The following NRG3 variants were observed in gnomAD, a reference collection of about 807,000 sequenced individuals.
NRG3 encodes pro-neuregulin-3, membrane-bound isoform.
NRG3 carries 31 observed loss-of-function variants against 66.9 expected under a neutral mutation model. The ratio of observed to expected loss-of-function variants is 0.46; its 90% CI spans 0.35 to 0.63. The LOEUF (loss-of-function observed/expected upper bound fraction) is 0.63, where lower values mean the gene tolerates loss of function less well. Ranked by LOEUF, NRG3 falls within the 20% of genes least tolerant of loss-of-function variation. The pLI is 0.00. For missense variants in NRG3, 910 were observed against 878.9 expected (o/e 1.04, Z -0.45); for synonymous variants, 393 against 359.4 (o/e 1.09, Z -1.06).
rs534000459 is a variant in NRG3, at chr10:82,864,191, G to T, written c.1028-1220G>T. ...AAAGGGGTGGTGGTTGTACAACGTT[G>T]TGAATGTATCAAGTTAACAAAAGTA... On this transcript the variant is annotated intron_variant, in intron 3 of 8. Transcript: ENST00000372141. Among the ~76,000 whole-genome samples, 6 of 152,186 alleles carry T rather than the reference G, an allele frequency of 3.9e-5. No individual in the cohort carries two copies. In the South Asian group the frequency reaches 8.3e-4, roughly 21 times the overall value.
At chr10:82,454,457 A>T (rs1454107950) in intron 2 of NRG3, among the ~76,000 whole-genome samples, 1 of 152,248 alleles carries the variant, frequency 6.6e-6, no homozygotes, top group Non-Finnish European at 1.5e-5. Context: ...GTTAAAAAAA[A>T]TAAAAAAATG....
At chr10:82,955,804 T>C (rs901206728) in intron 5 of NRG3, among the ~76,000 whole-genome samples, 3 of 151,878 alleles carry the variant, frequency 2.0e-5, no homozygotes, top group African/African-American at 7.3e-5. Context: ...AGTCGCCAAG[T>C]TTGCCAGCAA....
intron 1 of NRG3, among the ~76,000 whole-genome samples, chr10:82,052,915 A>G (rs543812576): frequency 1.3e-5 from 2 of 152,290 alleles, no homozygotes; most frequent in East Asian, 1.9e-4. Flanking sequence ...AGCATTTGCA[A>G]CTACACAAGA....
At chr10:82,004,899 T>C (rs528350868) in intron 1 of NRG3, among the ~76,000 whole-genome samples, 3 of 152,280 alleles carry the variant, frequency 2.0e-5, no homozygotes, top group South Asian at 2.1e-4. Context: ...GCCTCCAACA[T>C]TGTTGAGAAA....
At chr10:81,960,616 G>C (rs1445301990) in intron 1 of NRG3, among the ~76,000 whole-genome samples, 4 of 151,582 alleles carry the variant, frequency 2.6e-5, no homozygotes, top group African/African-American at 9.7e-5. Flanking sequence ...TCGGTAATTA[G>C]AACAAACTAA....
chr10:82,890,689 G>T (rs112185234), intron 4 of NRG3, among the ~76,000 whole-genome samples: 4 of 152,156 alleles, frequency 2.6e-5, no homozygotes, highest in African/African-American at 9.7e-5. Context: ...GGTACTGCCA[G>T]ACACTTTTGT....
intron 1 of NRG3, among the ~76,000 whole-genome samples, chr10:81,947,205 C>G (rs1437185416): frequency 6.6e-6 from 1 of 152,140 alleles, no homozygotes; most frequent in Non-Finnish European, 1.5e-5. Flanking sequence ...TTCATGCCGT[C>G]TTCTCTCTAT....
At chr10:82,838,756 T>A (rs745469090) in intron 3 of NRG3, among the ~76,000 whole-genome samples, 5 of 152,150 alleles carry the variant, frequency 3.3e-5, no homozygotes, top group Non-Finnish European at 7.4e-5. Flanking sequence ...ATTTCTTTTA[T>A]GTTCTACATA....
At chr10:82,831,745 C>T (rs182191989) in intron 3 of NRG3, among the ~76,000 whole-genome samples, 3 of 152,132 alleles carry the variant, frequency 2.0e-5, no homozygotes, top group South Asian at 2.1e-4. Context: ...ATCTGAGAGA[C>T]GGAGGTTGCA....
At chr10:82,853,931 G>T (rs758685348) in intron 3 of NRG3, among the ~76,000 whole-genome samples, 3 of 152,106 alleles carry the variant, frequency 2.0e-5, no homozygotes, top group Non-Finnish European at 2.9e-5. Context: ...GCTGGCTGTA[G>T]GTTTGCCATA....
intron 1 of NRG3, among the ~76,000 whole-genome samples, chr10:81,977,271 G>A (rs2060159252): frequency 6.6e-6 from 1 of 152,118 alleles, no homozygotes; most frequent in East Asian, 1.9e-4. Context: ...TTTAATGTCT[G>A]TCTACTGCAG....
At chr10:82,740,127 T>C (rs1417560442) in intron 3 of NRG3, among the ~76,000 whole-genome samples, 1 of 137,036 alleles carries the variant, frequency 7.3e-6, no homozygotes, top group African/African-American at 2.9e-5. Flanking sequence ...TCCTTTAATA[T>C]AATACTTCTT....
chr10:82,771,856 A>T (rs752389034), intron 3 of NRG3, among the ~76,000 whole-genome samples: 4 of 152,106 alleles, frequency 2.6e-5, no homozygotes, highest in Non-Finnish European at 5.9e-5. Flanking sequence ...TTATATCAAC[A>T]TTCACTCTGT....
chr10:82,712,161 T>G (rs1176883068), intron 2 of NRG3, among the ~76,000 whole-genome samples: 1 of 151,152 alleles, frequency 6.6e-6, no homozygotes, highest in Admixed American at 6.6e-5. Context: ...AAATATTTTC[T>G]TCTAAATATA....
At chr10:82,158,845 C>A (rs540233440) in intron 1 of NRG3, among the ~76,000 whole-genome samples, 1 of 151,890 alleles carries the variant, frequency 6.6e-6, no homozygotes, top group East Asian at 1.9e-4. Context: ...CTTCTTAAAC[C>A]TGATCATTTT....
At chr10:82,419,831 T>C (rs1306853176) in intron 2 of NRG3, among the ~76,000 whole-genome samples, 1 of 152,176 alleles carries the variant, frequency 6.6e-6, no homozygotes, top group African/African-American at 2.4e-5. Flanking sequence ...TTTTCCTCCA[T>C]ATTTGTATTC....
intron 4 of NRG3, among the ~76,000 whole-genome samples, chr10:82,897,376 T>C (rs1412694911): frequency 6.6e-6 from 1 of 152,158 alleles, no homozygotes; most frequent in Non-Finnish European, 1.5e-5. Context: ...AATACATTGT[T>C]CCATCACTGA....
intron 4 of NRG3, among the ~76,000 whole-genome samples, chr10:82,915,718 T>G (rs541112478): frequency 2.2e-4 from 33 of 152,190 alleles, no homozygotes; most frequent in Non-Finnish European, 4.4e-4. Context: ...TACAAAAGTC[T>G]GAATATTTTA....
At chr10:82,440,064 A>G (rs2136427929) in intron 2 of NRG3, among the ~76,000 whole-genome samples, 1 of 152,182 alleles carries the variant, frequency 6.6e-6, no homozygotes, top group African/African-American at 2.4e-5. Context: ...ATATCTGGAA[A>G]GCCATGTGGG....
Sources: gnomAD v4.1 joint callset for allele counts (sites outside exome capture counted in the v4.1 genomes callset) on GRCh38, gnomAD v4.1.1 for gene constraint, MANE v1.5 for transcripts, NCBI Gene and HGNC (gene_info 2026-07-23, HGNC 2026-07-21) for gene names.